Variants in TBC1D15 observed in about 807,000 individuals in gnomAD.
TBC1D15 encodes the protein TBC1 domain family member 15.
A neutral mutation model predicts 95.4 loss-of-function variants in TBC1D15; 39 were observed. The ratio of observed to expected loss-of-function variants is 0.41; its 90% confidence interval spans 0.32 to 0.53. The LOEUF is 0.53. TBC1D15 is among the 20% of genes least tolerant of loss of function. The pLI, the probability that TBC1D15 is intolerant of heterozygous loss-of-function variation, is 0.29. For synonymous variants in TBC1D15, 258 were observed against 261.3 expected (o/e 0.99, Z 0.12); for missense variants, 733 against 794.3 (o/e 0.92, Z 0.93).
intron 1 of TBC1D15, among the ~76,000 whole-genome samples, chr12:71,859,708 A>G (rs953778999): frequency 1.3e-5 from 2 of 151,998 alleles, no homozygotes; most frequent in Admixed American, 6.5e-5. Flanking sequence ...CCCAGGTTCA[A>G]GCGATTCTTC....
intron 10 of TBC1D15, among the ~76,000 whole-genome samples, chr12:71,902,660 CGACCCAG>C (rs1261520985): frequency 2.4e-4 from 37 of 152,042 alleles, no homozygotes; most frequent in Non-Finnish European, 4.4e-4. Flanking sequence ...TTGAGGATAT[CGACCCAG>C]GCAAAGACTT....
chr12:71,880,349 C>A, intron 3 of TBC1D15, 120 bp from the exon 4 acceptor site: 1 of 616,978 alleles, frequency 1.6e-6, no homozygotes, highest in Non-Finnish European at 2.6e-6. Context: ...AAATGGTGTT[C>A]AGTTTTCCCA....
intron 6 of TBC1D15, 160 bp from the exon 7 acceptor site, chr12:71,894,526 C>A: frequency 8.6e-7 from 1 of 1,159,652 alleles, no homozygotes; most frequent in Non-Finnish European, 1.2e-6. Flanking sequence ...TTAAATTTTT[C>A]TTTGAAGAAA....
chr12:71,876,339 C>T (rs1473441526), intron 3 of TBC1D15, among the ~76,000 whole-genome samples: 1 of 152,120 alleles, frequency 6.6e-6, no homozygotes, highest in Non-Finnish European at 1.5e-5. Flanking sequence ...GTTGACTCCT[C>T]ACTGTGGAAG....
At chr12:71,918,106 G>A (rs566408104) in intron 13 of TBC1D15, among the ~76,000 whole-genome samples, 96 of 152,266 alleles carry the variant, frequency 6.3e-4, no homozygotes, top group African/African-American at 2.2e-3. Flanking sequence ...AGTGAACTGG[G>A]ATCACTCCAC....
chr12:71,921,545 CT>C, intron 16 of TBC1D15, 91 bp downstream of exon 16: 1 of 700,730 alleles, frequency 1.4e-6, no homozygotes, highest in Non-Finnish European at 2.2e-6. Flanking sequence ...AAAATAGCAA[CT>C]TTAGTAAGCT....
At chr12:71,841,734 G>T (rs1885060994) in intron 1 of TBC1D15, among the ~76,000 whole-genome samples, 1 of 152,022 alleles carries the variant, frequency 6.6e-6, no homozygotes, top group Non-Finnish European at 1.5e-5. Flanking sequence ...CTTTTCTACA[G>T]TCTCTGCCCT....
rs115685691 is a variant in TBC1D15 at position 71,850,661 on chromosome 12, C to T, written c.30+10850C>T. 5.0e-3 allele frequency among the ~76,000 whole-genome samples: 759 copies of T among 152,244 alleles called. 9 individuals carry two copies. The highest frequency in any genetic ancestry group is 0.017 in the African/African-American group (706 of 41,544). The stretch of plus-strand genomic sequence containing the variant: ...CCTGCCCTCAAGGCGATCCTCCTAC[C>T]TGGGCCTCTGTATTAGTTTTCACAT... On this transcript the variant is annotated intron_variant, in intron 1 of 16. Coordinates refer to ENST00000485960, the MANE Select transcript of TBC1D15 (RefSeq NM_001146213.3).
chr12:71,915,448 TAAAA>T (rs1236554792), intron 12 of TBC1D15, among the ~76,000 whole-genome samples: 1 of 130,506 alleles, frequency 7.7e-6, no homozygotes, highest in Admixed American at 7.7e-5. Flanking sequence ...GTAGATATTC[TAAAA>T]AAAAAAAAAA....
intron 1 of TBC1D15, among the ~76,000 whole-genome samples, chr12:71,851,005 A>AAAAG: frequency 1.3e-5 from 2 of 151,088 alleles, no homozygotes; most frequent in Non-Finnish European, 2.9e-5. Flanking sequence ...AAAAAAAAAA[A>AAAAG]AAAGAAAGAA....
chr12:71,848,618 C>A (rs1029953036), intron 1 of TBC1D15, among the ~76,000 whole-genome samples: 1 of 151,828 alleles, frequency 6.6e-6, no homozygotes, highest in Non-Finnish European at 1.5e-5. Context: ...AATACAAGTT[C>A]ATTTGGGTCT....
intron 1 of TBC1D15, among the ~76,000 whole-genome samples, chr12:71,853,795 T>C (rs1888399270): frequency 2.0e-5 from 3 of 152,216 alleles, no homozygotes; most frequent in Non-Finnish European, 4.4e-5. Context: ...GCATTTAGTA[T>C]AGAACTAATT....
At chr12:71,915,464 A>AAAC (rs1194919920) in intron 12 of TBC1D15, among the ~76,000 whole-genome samples, 7 of 151,742 alleles carry the variant, frequency 4.6e-5, no homozygotes, top group Non-Finnish European at 7.4e-5. Flanking sequence ...AAAAAAAAAA[A>AAAC]ACACAACTAA....
At chr12:71,920,987 C>G in intron 15 of TBC1D15, 140 bp downstream of exon 15, 1 of 626,230 alleles carries the variant, frequency 1.6e-6, no homozygotes, top group Non-Finnish European at 2.7e-6. Flanking sequence ...GAATGACTAT[C>G]TGAGAATGAC....
intron 1 of TBC1D15, among the ~76,000 whole-genome samples, chr12:71,869,516 G>C (rs1179366445): frequency 6.6e-6 from 1 of 151,972 alleles, no homozygotes; most frequent in Non-Finnish European, 1.5e-5. Context: ...GAGCAAAACT[G>C]TGTCTCAAAA....
At chr12:71,896,536 G>A (rs1316080085) in intron 8 of TBC1D15, 141 bp from the exon 9 acceptor site, 10 of 695,176 alleles carry the variant, frequency 1.4e-5, no homozygotes, top group Middle Eastern at 4.1e-4. Context: ...TAAAAAACAA[G>A]ATGATATTCA....
At chr12:71,877,072 A>G (rs937360398) in intron 3 of TBC1D15, among the ~76,000 whole-genome samples, 2 of 151,986 alleles carry the variant, frequency 1.3e-5, no homozygotes, top group African/African-American at 4.8e-5. Context: ...CAGCCTCCCA[A>G]AGTGCTGGAA....
intron 1 of TBC1D15, among the ~76,000 whole-genome samples, chr12:71,841,851 A>G (rs1885099724): frequency 6.6e-6 from 1 of 151,994 alleles, no homozygotes; most frequent in Non-Finnish European, 1.5e-5. Flanking sequence ...TCGTCAGCAT[A>G]ATAATAATAA....
rs1592784805 is a variant in TBC1D15 at position 71,896,412 on chromosome 12, A to G, written c.985-265A>G. ...TGCCTTATTCTGTAAGATTGGGCTT[A>G]GACTCACCAGTCACACTGTCTGTCT... On this transcript the variant is annotated intron_variant, in intron 8 of 16. Transcript: ENST00000485960. The G allele has an allele frequency of 8.7e-6, 4 of 459,580 alleles. No individual in the cohort carries two copies. The South Asian group carries it at 1.0e-4, about 12-fold the overall frequency. The allele number at this position is 459,580 out of a possible 1,614,324, so 28.5% of individuals were successfully genotyped here. A position where few individuals can be genotyped will look rare whatever the true frequency, so the allele number is the denominator to read the frequency against.
Sources: allele counts gnomAD v4.1 joint callset (sites outside exome capture counted in the v4.1 genomes callset), GRCh38; gene constraint gnomAD v4.1.1; transcripts MANE v1.5; gene names NCBI Gene and HGNC (gene_info 2026-07-23, HGNC 2026-07-21).